The following MRE11 variants were observed in gnomAD, a reference collection of about 807,000 sequenced individuals.
MRE11 encodes the protein double-strand break repair protein MRE11.
MRE11 carries 62 observed loss-of-function variants against 91.7 expected under a neutral mutation model. The ratio of observed to expected loss-of-function variants is 0.68; its 90% CI spans 0.55 to 0.84. The LOEUF (loss-of-function observed/expected upper bound fraction) is 0.84, where lower values mean the gene tolerates loss of function less well. MRE11 is among the 40% of genes least tolerant of loss of function. The pLI, the probability that MRE11 is intolerant of heterozygous loss-of-function variation, is 0.00. For missense variants in MRE11, 796 were observed against 852.9 expected, an observed-to-expected ratio of 0.93 and a Z score of 0.83; for synonymous variants, 273 against 271.4, an observed-to-expected ratio of 1.01 and a Z score of -0.06.
chr11:94,512,279 G>A, the MRE11 span, among the ~76,000 whole-genome samples: 3 of 152,192 alleles, frequency 2.0e-5, no homozygotes, highest in South Asian at 2.1e-4. Context: ...GAGCTCGTGT[G>A]AGAAATTAAC....
chr11:94,425,103 G>A (rs543975057), intron 19 of MRE11, among the ~76,000 whole-genome samples: 168 of 152,198 alleles, frequency 1.1e-3, no homozygotes, highest in African/African-American at 3.9e-3. Flanking sequence ...AGACAGAAGG[G>A]TCAGGTCACT....
At chr11:94,450,983 C>T (rs1277900188) in intron 14 of MRE11, among the ~76,000 whole-genome samples, 2 of 151,912 alleles carry the variant, frequency 1.3e-5, no homozygotes, top group South Asian at 2.1e-4. Flanking sequence ...GAGGGACGGG[C>T]GTAGAGGCTC....
At chr11:94,445,141 C>CTGA (rs534942971) in intron 16 of MRE11, among the ~76,000 whole-genome samples, 1 of 152,142 alleles carries the variant, frequency 6.6e-6, no homozygotes, top group Non-Finnish European at 1.5e-5. Context: ...AAAGCAGAGA[C>CTGA]TGACAGGGCA....
intron 15 of MRE11, among the ~76,000 whole-genome samples, chr11:94,446,172 C>T (rs574837300): frequency 1.3e-4 from 20 of 152,186 alleles, no homozygotes; most frequent in Non-Finnish European, 2.9e-4. Context: ...CTTTGGGAGA[C>T]AGAGGCGGGA....
At chr11:94,441,574 T>G (rs903320148) in intron 16 of MRE11, among the ~76,000 whole-genome samples, 6 of 152,072 alleles carry the variant, frequency 3.9e-5, no homozygotes, top group Non-Finnish European at 7.4e-5. Context: ...GGTTATTAGA[T>G]ACAAAATAAA....
At chr11:94,498,701 A>G (rs1947452714), upstream of MRE11, 13 of 628,790 alleles carry the variant, frequency 2.1e-5, no homozygotes, top group South Asian at 2.7e-4. Context: ...TGTATTTGAA[A>G]GTAATTTGCA....
chr11:94,445,774 G>A, intron 16 of MRE11, 36 bp downstream of exon 16: 1 of 1,486,562 alleles, frequency 6.7e-7, no homozygotes, highest in Non-Finnish European at 9.4e-7. Context: ...TTCTAATGTT[G>A]GAATTTATAA....
intron 15 of MRE11, among the ~76,000 whole-genome samples, chr11:94,446,405 T>A (rs1420385391): frequency 6.6e-6 from 1 of 151,954 alleles, no homozygotes; most frequent in Non-Finnish European, 1.5e-5. Flanking sequence ...AAGACAAGAC[T>A]CCATCTCAAG....
upstream of MRE11, among the ~76,000 whole-genome samples, chr11:94,494,827 T>C (rs13447575): frequency 8.7e-3 from 1,325 of 152,270 alleles, 21 homozygotes; most frequent in African/African-American, 0.031. Flanking sequence ...TGGTATAAGG[T>C]TACTATATTT....
intron 11 of MRE11, 39 bp from the exon 12 acceptor site, chr11:94,461,075 A>T: frequency 6.5e-7 from 1 of 1,540,214 alleles, no homozygotes. Context: ...AGCTTCTATC[A>T]TAATGTTAAA....
intron 18 of MRE11, among the ~76,000 whole-genome samples, chr11:94,435,339 G>A (rs1446453299): frequency 2.0e-5 from 3 of 152,184 alleles, no homozygotes; most frequent in Non-Finnish European, 4.4e-5. Flanking sequence ...TGGATCGCCT[G>A]AGCTCAGGAG....
At chr11:94,464,412 A>T (rs958089041) in intron 10 of MRE11, among the ~76,000 whole-genome samples, 173 bp from the exon 11 acceptor site, 18 of 152,228 alleles carry the variant, frequency 1.2e-4, no homozygotes, top group African/African-American at 4.3e-4. Flanking sequence ...CTGAGAAACT[A>T]ATGTTTGAAA....
Position 94,417,622 on chromosome 11 carries a change from G to A in MRE11, c.*2503C>T, listed in dbSNP as rs1945063006. On this transcript the variant is annotated 3_prime_UTR_variant, in exon 20 of 20. Transcript: ENST00000323929. Reference sequence around the variant, plus strand: ...GAGCTTTTAAATTACAGAAGTTAGGGCTTGTTACCCAGAAAGGAGAAAACA... The same window carrying A: ...GAGCTTTTAAATTACAGAAGTTAGGACTTGTTACCCAGAAAGGAGAAAACA... 4.3e-6 allele frequency: 1 copy of A among 233,082 alleles called. No homozygotes were observed. The highest frequency in any genetic ancestry group is 8.5e-6 in the Non-Finnish European group (1 of 117,956). 14.4% of individuals were successfully genotyped at this position (233,082 alleles called of 1,614,324 possible).
At chr11:94,500,764 G>C in the MRE11 span, among the ~76,000 whole-genome samples, 1 of 152,078 alleles carries the variant, frequency 6.6e-6, no homozygotes, top group Non-Finnish European at 1.5e-5. Flanking sequence ...CTACCACAGT[G>C]GTGGGATTTA....
intron 13 of MRE11, among the ~76,000 whole-genome samples, chr11:94,456,812 G>A (rs559331949): frequency 6.6e-6 from 1 of 152,146 alleles, no homozygotes; most frequent in Non-Finnish European, 1.5e-5. Flanking sequence ...ACTCATGAAG[G>A]TTTGCTGAGC....
the MRE11 span, among the ~76,000 whole-genome samples, chr11:94,504,382 T>TA: frequency 3.1e-3 from 475 of 152,290 alleles, 1 homozygote; most frequent in South Asian, 5.6e-3. Flanking sequence ...GCCTGTTATT[T>TA]AAAAAAATAT....
chr11:94,470,788 C>T (rs1946689364), intron 8 of MRE11, 146 bp from the exon 9 acceptor site: 1 of 898,644 alleles, frequency 1.1e-6, no homozygotes, highest in Non-Finnish European at 1.7e-6. Flanking sequence ...CTAATTTAAC[C>T]TTAATGTTAT....
the MRE11 span, among the ~76,000 whole-genome samples, chr11:94,502,017 T>C: frequency 0.013 from 2,013 of 152,220 alleles, 15 homozygotes; most frequent in South Asian, 0.026. Context: ...AAAGTTCTTA[T>C]ATATATATAA....
chr11:94,508,664 T>C, the MRE11 span, among the ~76,000 whole-genome samples: 3 of 152,238 alleles, frequency 2.0e-5, no homozygotes, highest in East Asian at 3.8e-4. Flanking sequence ...TTTAATATTT[T>C]GGCTTTATCA....
Sources: allele counts gnomAD v4.1 joint callset (sites outside exome capture counted in the v4.1 genomes callset), GRCh38; gene constraint gnomAD v4.1.1; transcripts MANE v1.5; gene names NCBI Gene and HGNC (gene_info 2026-07-23, HGNC 2026-07-21).